MERTK: variants seen among roughly 807,000 people sequenced by gnomAD.
MERTK encodes the protein MER proto-oncogene, tyrosine kinase, also known as tyrosine-protein kinase Mer.
In MERTK, 69 loss-of-function variants were observed where a neutral mutation model predicts 99.3. The ratio of observed to expected loss-of-function variants is 0.70; its 90% CI spans 0.57 to 0.85. The LOEUF (loss-of-function observed/expected upper bound fraction) is 0.85. Ranked by LOEUF, MERTK falls within the 40% of genes least tolerant of loss-of-function variation. MERTK has a pLI of 0.00. For synonymous variants in MERTK, 426 were observed against 467.6 expected (o/e 0.91, Z 1.15); for missense variants, 1,125 against 1,249.4 (o/e 0.90, Z 1.50).
chr2:111,925,292 A>ATATATATATATATATATATTTTT (rs372747015), intron 1 of MERTK, among the ~76,000 whole-genome samples: 2 of 24,498 alleles, frequency 8.2e-5, no homozygotes, highest in Non-Finnish European at 1.5e-4. Flanking sequence ...ATATATATAT[A>ATATATATATATATATATATTTTT]TTTTTTTTTT....
At position 112,022,318 on chromosome 2, in the gene MERTK, G is replaced by A. The variant is rs764522519; in HGVS notation, c.2410G>A (p.Val804Ile). 1.9e-6 allele frequency: 3 copies of A among 1,614,202 alleles called. No homozygotes were observed. The East Asian group carries it at 6.7e-5, about 36-fold the overall frequency. ...GCGGGGAATGACTCCCTATCCTGGG[G>A]TCCAGAACCATGAGATGTATGACTA... is the stretch of plus-strand genomic sequence containing the variant. The part of the protein sequence containing the change: ...ATRGMTPYPG[V>I]QNHEMYDYLL... The change falls in exon 18 of 19, where the codon GTC (valine) becomes ATC (isoleucine). Residue 804 changes from valine to isoleucine, a missense_variant. By Grantham distance (29) the Val-to-Ile change is conservative. Transcript: ENST00000295408.
chr2:111,979,397 G>C (rs1676321277), intron 7 of MERTK, among the ~76,000 whole-genome samples: 1 of 152,120 alleles, frequency 6.6e-6, no homozygotes. Flanking sequence ...CTGTTTTTCA[G>C]TTTTAGTTTT....
chr2:111,943,267 A>G (rs965511165), intron 2 of MERTK, among the ~76,000 whole-genome samples: 1 of 152,306 alleles, frequency 6.6e-6, no homozygotes, highest in Non-Finnish European at 1.5e-5. Context: ...TGGAACTTCC[A>G]TGTTTTTCTT....
intron 1 of MERTK, 137 bp downstream of exon 1, chr2:111,898,933 G>C: frequency 1.1e-6 from 1 of 938,678 alleles, no homozygotes; most frequent in African/African-American, 1.7e-5. Flanking sequence ...ACCCACTGCG[G>C]TGCCAGAGGA....
At chr2:111,900,373 C>A (rs1314094200) in intron 1 of MERTK, among the ~76,000 whole-genome samples, 1 of 152,208 alleles carries the variant, frequency 6.6e-6, no homozygotes, top group Non-Finnish European at 1.5e-5. Flanking sequence ...CTGCCCCTCC[C>A]TCCACCAAAC....
At chr2:111,977,556 G>A (rs902761516) in intron 7 of MERTK, among the ~76,000 whole-genome samples, 31 of 152,120 alleles carry the variant, frequency 2.0e-4, no homozygotes, top group African/African-American at 7.2e-4. Context: ...CCTTGTGTTT[G>A]GAGTTTATTG....
intron 2 of MERTK, among the ~76,000 whole-genome samples, chr2:111,931,863 A>C (rs1049213477): frequency 6.6e-6 from 1 of 151,970 alleles, no homozygotes; most frequent in Non-Finnish European, 1.5e-5. Context: ...TCCCTGGTCT[A>C]TTTTCCAAAG....
At chr2:111,996,331 A>G (rs1648087441) in intron 9 of MERTK, 1 of 154,100 alleles carries the variant, frequency 6.5e-6, no homozygotes, top group Admixed American at 6.5e-5. Flanking sequence ...GAAATAACAG[A>G]TGCACATCCT....
rs945072390 is a variant in MERTK, at chr2:111,926,936, C to T, written c.62-2184C>T. Among the ~76,000 whole-genome samples, 5 of 152,194 alleles carry T rather than the reference C, an allele frequency of 3.3e-5. No homozygotes were observed. The South Asian group carries it at 8.3e-4, about 25-fold the overall frequency. On this transcript the variant is annotated intron_variant, in intron 1 of 18. Coordinates refer to ENST00000295408, the MANE Select transcript of MERTK (RefSeq NM_006343.3). ...TGTGGGCTGTGAGTGACTGGAGAGGCAATGGTCCCTGTCTGTTGTCATCCT... is the reference window on the plus strand; with the variant it reads ...TGTGGGCTGTGAGTGACTGGAGAGGTAATGGTCCCTGTCTGTTGTCATCCT...
At chr2:111,996,629 G>C (rs564785773) in intron 9 of MERTK, 18 of 157,586 alleles carry the variant, frequency 1.1e-4, no homozygotes, top group Admixed American at 3.2e-4. Context: ...GTGAACCAGC[G>C]GTCCTTAGTG....
At chr2:112,010,142 A>C in intron 15 of MERTK, 76 bp downstream of exon 15, 1 of 1,103,750 alleles carries the variant, frequency 9.1e-7, no homozygotes, top group East Asian at 2.4e-5. Flanking sequence ...AAATCATCTA[A>C]TCTTGAAAGT....
chr2:111,918,028 C>G (rs2104673742), intron 1 of MERTK, among the ~76,000 whole-genome samples: 1 of 152,138 alleles, frequency 6.6e-6, no homozygotes, highest in South Asian at 2.1e-4. Context: ...AAAACTGAAA[C>G]TCTGTAACCA....
chr2:112,017,150 A>T (rs1677233597), intron 15 of MERTK, among the ~76,000 whole-genome samples: 1 of 152,186 alleles, frequency 6.6e-6, no homozygotes, highest in African/African-American at 2.4e-5. Context: ...AGTCCATTTT[A>T]CAGAGTGCTG....
intron 4 of MERTK, 132 bp downstream of exon 4, chr2:111,947,699 G>T: frequency 9.2e-7 from 1 of 1,081,182 alleles, no homozygotes. Context: ...GCAAAGTTAT[G>T]GGACCAGGTA....
intron 8 of MERTK, among the ~76,000 whole-genome samples, chr2:111,991,672 G>C (rs1056936764): frequency 6.6e-6 from 1 of 151,944 alleles, no homozygotes; most frequent in Admixed American, 6.6e-5. Context: ...CATTCTTAAC[G>C]GTCATATTTT....
intron 4 of MERTK, among the ~76,000 whole-genome samples, chr2:111,955,793 G>T (rs1374947858): frequency 2.0e-5 from 3 of 151,976 alleles, no homozygotes; most frequent in Admixed American, 2.0e-4. Context: ...TTTATCATGG[G>T]CAAAACCAAA....
intron 10 of MERTK, among the ~76,000 whole-genome samples, chr2:111,998,353 T>G (rs865935738): frequency 6.6e-6 from 1 of 152,188 alleles, no homozygotes; most frequent in African/African-American, 2.4e-5. Context: ...GGGTTCATCA[T>G]AAAACAAGTA....
At chr2:111,962,170 G>A (rs567074740) in intron 4 of MERTK, among the ~76,000 whole-genome samples, 1 of 152,292 alleles carries the variant, frequency 6.6e-6, no homozygotes, top group Admixed American at 6.5e-5. Context: ...GAAGTTTCCA[G>A]ATTCAACTAC....
intron 6 of MERTK, among the ~76,000 whole-genome samples, chr2:111,974,489 G>C (rs781403061): frequency 1.3e-5 from 2 of 151,944 alleles, no homozygotes; most frequent in African/African-American, 4.8e-5. Flanking sequence ...ATTAAGAAAC[G>C]CTGGGTGTGG....
Sources: gnomAD v4.1 joint callset for allele counts (sites outside exome capture counted in the v4.1 genomes callset) on GRCh38, gnomAD v4.1.1 for gene constraint, MANE v1.5 for transcripts, NCBI Gene and HGNC (gene_info 2026-07-23, HGNC 2026-07-21) for gene names.